The following VIPR2 variants were observed in gnomAD, a reference collection of about 807,000 sequenced individuals.
VIPR2 encodes vasoactive intestinal polypeptide receptor 2.
In VIPR2, 48 loss-of-function variants were observed where a neutral mutation model predicts 58.0. The observed-to-expected ratio is 0.83, with a 90% CI of 0.66 to 1.05. VIPR2 has a LOEUF of 1.05. VIPR2 is among the 50% of genes least tolerant of loss of function. The probability of loss-of-function intolerance (pLI) is 0.00; values close to 1 mark genes in which losing one functional copy is unlikely to be tolerated. For synonymous variants in VIPR2, 243 were observed against 235.2 expected (o/e 1.03, Z -0.30); for missense variants, 534 against 558.0 (o/e 0.96, Z 0.43).
At chr7:159,034,169 AC>A (rs1406107549) in intron 10 of VIPR2, 43 bp downstream of exon 10, 1 of 1,595,048 alleles carries the variant, frequency 6.3e-7, no homozygotes, top group African/African-American at 1.3e-5. Flanking sequence ...CTGTCTCCAC[AC>A]GGCATCCCCA....
intron 2 of VIPR2, among the ~76,000 whole-genome samples, chr7:159,112,132 A>T (rs1047317397): frequency 1.7e-4 from 26 of 152,366 alleles, no homozygotes; most frequent in African/African-American, 6.3e-4. Flanking sequence ...CAGAGATACT[A>T]AATTCATACC....
At chr7:159,088,719 C>T (rs925043600) in intron 4 of VIPR2, among the ~76,000 whole-genome samples, 1 of 152,260 alleles carries the variant, frequency 6.6e-6, no homozygotes, top group African/African-American at 2.4e-5. Flanking sequence ...GCACGGCCTG[C>T]ACCACGGAGT....
intron 2 of VIPR2, among the ~76,000 whole-genome samples, chr7:159,138,066 C>T (rs1424316945): frequency 6.6e-6 from 1 of 152,230 alleles, no homozygotes; most frequent in Non-Finnish European, 1.5e-5. Flanking sequence ...TGAATATCTG[C>T]TGAGGACCAC....
intron 2 of VIPR2, among the ~76,000 whole-genome samples, chr7:159,129,275 A>G: frequency 7.8e-6 from 1 of 128,616 alleles, no homozygotes; most frequent in African/African-American, 2.9e-5. Flanking sequence ...TGGGGGGGAC[A>G]GGGCTGGGGG....
rs1853545010 is a variant in VIPR2 at position 159,031,063 on chromosome 7, G to A, written c.1144-274C>T. Among the ~76,000 whole-genome samples the A allele has an allele frequency of 6.6e-6, 1 of 152,224 alleles. No individual in the cohort carries two copies. The highest frequency in any genetic ancestry group is 2.4e-5 in the African/African-American group (1 of 41,464). ...CTGCCGCGGTAAGCGCAGTCCCACA[G>A]TCTCAGATAGTTAATATTTCTCTGA... On this transcript the variant is annotated intron_variant, in intron 12 of 12. Coordinates refer to ENST00000262178, the MANE Select transcript of VIPR2 (RefSeq NM_003382.5). This position sits in a 1 kb window ranked among gnomAD's most constrained non-coding sequence, Gnocchi z 4.0.
At chr7:159,081,281 T>C (rs1323287060) in intron 4 of VIPR2, among the ~76,000 whole-genome samples, 1 of 152,130 alleles carries the variant, frequency 6.6e-6, no homozygotes, top group Non-Finnish European at 1.5e-5. Flanking sequence ...GATAGACCAA[T>C]GGAACATAAC....
At chr7:159,126,781 T>G (rs934398098) in intron 2 of VIPR2, among the ~76,000 whole-genome samples, 1 of 152,220 alleles carries the variant, frequency 6.6e-6, no homozygotes, top group African/African-American at 2.4e-5. Context: ...CAGCATGGTT[T>G]TCAGACAAGT....
Position 159,031,347 on chromosome 7 carries a change from G to A in VIPR2, c.1143+481C>T. 3 of 831,286 alleles carry A rather than the reference G, an allele frequency of 3.6e-6. No homozygotes were observed. In the South Asian group the frequency reaches 1.6e-4, roughly 45 times the overall value. 51.5% of individuals were successfully genotyped at this position (831,286 alleles called of 1,614,324 possible). A position where few individuals can be genotyped will look rare whatever the true frequency, so the allele number is the denominator to read the frequency against. On this transcript the variant is annotated intron_variant, in intron 12 of 12. Coordinates refer to ENST00000262178, the MANE Select transcript of VIPR2 (RefSeq NM_003382.5). The surrounding 1 kb of genome is among the most constrained non-coding windows in gnomAD (Gnocchi z 4.0). ...GGGAGGGTCAGGGGTCAGGGGACGG[G>A]GCCAGGCCGTTGGAGCAGCCCGGAG...
chr7:159,085,784 CCCAA>C (rs1298830241), intron 4 of VIPR2, among the ~76,000 whole-genome samples: 1 of 152,006 alleles, frequency 6.6e-6, no homozygotes, highest in Non-Finnish European at 1.5e-5. Context: ...AGGATTCCAA[CCCAA>C]GACATTCTGG....
Position 159,039,763 on chromosome 7 carries a change from G to A in VIPR2, c.598-2861C>T, listed in dbSNP as rs192424352. On this transcript the variant is annotated intron_variant, in intron 6 of 12. Coordinates refer to ENST00000262178, the MANE Select transcript of VIPR2 (RefSeq NM_003382.5). Reference sequence around the variant, plus strand: ...GTAAATGTCTGCGACAGGAGCACACGTGGATGGAGACACCCTCTGACCTGG... The same window carrying A: ...GTAAATGTCTGCGACAGGAGCACACATGGATGGAGACACCCTCTGACCTGG... Among the ~76,000 whole-genome samples the A allele has an allele frequency of 3.5e-3, 528 of 152,358 alleles. 1 individual carries two copies. Among genetic ancestry groups the A allele is most frequent in the Non-Finnish European group, 5.7e-3 (385 of 68,038 alleles).
intron 4 of VIPR2, among the ~76,000 whole-genome samples, chr7:159,089,517 A>C (rs993917166): frequency 6.6e-6 from 1 of 152,222 alleles, no homozygotes; most frequent in Non-Finnish European, 1.5e-5. Context: ...TTGCGCATTA[A>C]ATTTAGAATT....
At chr7:159,104,525 G>A (rs1426951784) in intron 3 of VIPR2, among the ~76,000 whole-genome samples, 1 of 119,546 alleles carries the variant, frequency 8.4e-6, no homozygotes, top group South Asian at 2.7e-4. Context: ...CCTCCTGGCA[G>A]CACCCTCCCT....
rs754150894 is a variant in VIPR2, at chr7:159,142,468, C to T, written c.129G>A (p.Arg43=). ...EEETKCAELL[R]SQTEKHKACS... The stretch of plus-strand genomic sequence containing the variant: ...TACCTTTGTGTTTTTCTGTTTGAGA[C>T]CTCAGAAGCTCTGCACATTTTGTTT... The change falls in exon 2 of 13, where the codon AGG becomes AGA. Residue 43 remains arginine (R), a synonymous_variant. Transcript: ENST00000262178. 6.2e-6 allele frequency: 10 copies of T among 1,613,816 alleles called. No individual in the cohort carries two copies. Among genetic ancestry groups the T allele is most frequent in the South Asian group, 5.5e-5 (5 of 91,066 alleles).
At chr7:159,130,862 A>C (rs1363324193) in intron 2 of VIPR2, among the ~76,000 whole-genome samples, 2 of 152,220 alleles carry the variant, frequency 1.3e-5, no homozygotes, top group South Asian at 4.1e-4. Flanking sequence ...TCTGTTAATA[A>C]TCTCCTGGGA....
chr7:159,120,798 AGCAGGT>A (rs1338937076), intron 2 of VIPR2, among the ~76,000 whole-genome samples: 2 of 152,276 alleles, frequency 1.3e-5, no homozygotes, highest in East Asian at 3.9e-4. Flanking sequence ...CACCTCTGTG[AGCAGGT>A]GCCTCTGTCC....
At chr7:159,123,148 C>G (rs563975742) in intron 2 of VIPR2, among the ~76,000 whole-genome samples, 8 of 152,092 alleles carry the variant, frequency 5.3e-5, no homozygotes, top group Admixed American at 2.6e-4. Context: ...CAAAAATTAG[C>G]TGGGCGTGGT....
At chr7:159,080,084 G>A (rs374156394) in intron 4 of VIPR2, among the ~76,000 whole-genome samples, 7 of 151,976 alleles carry the variant, frequency 4.6e-5, no homozygotes, top group East Asian at 3.9e-4. Flanking sequence ...TCCAATCAGC[G>A]GAAAAAAAGG....
chr7:159,104,511 A>C (rs147262871), intron 3 of VIPR2, among the ~76,000 whole-genome samples: 1,722 of 102,164 alleles, frequency 0.017, 25 homozygotes, highest in Admixed American at 0.048. Context: ...ACAGCACCCT[A>C]CCTCCTCCTG....
chr7:159,089,998 C>T (rs546032705), intron 4 of VIPR2, among the ~76,000 whole-genome samples: 97 of 151,136 alleles, frequency 6.4e-4, no homozygotes, highest in Admixed American at 1.1e-3. Flanking sequence ...ACACTTAGCA[C>T]AGACATGCTG....
Sources: allele counts gnomAD v4.1 joint callset (sites outside exome capture counted in the v4.1 genomes callset), GRCh38; gene constraint gnomAD v4.1.1; non-coding constraint Gnocchi (gnomAD v3.1); transcripts MANE v1.5; gene names NCBI Gene and HGNC (gene_info 2026-07-23, HGNC 2026-07-21).